The following CADM4 variants were observed in gnomAD, a reference collection of about 807,000 sequenced individuals.
CADM4 encodes TSLC1-like 2.
CADM4 carries 13 observed loss-of-function variants against 43.9 expected under a neutral mutation model. The observed-to-expected ratio is 0.30, with a 90% CI of 0.19 to 0.47. The LOEUF (loss-of-function observed/expected upper bound fraction) is 0.47. Among genes scored for constraint, CADM4 ranks in the 20% least tolerant of loss-of-function variants. The probability of loss-of-function intolerance (pLI) is 1.00; values close to 1 mark genes in which losing one functional copy is unlikely to be tolerated. For synonymous variants in CADM4, 209 were observed against 220.9 expected, an observed-to-expected ratio of 0.95 and a Z score of 0.48; for missense variants, 420 against 527.0, an observed-to-expected ratio of 0.80 and a Z score of 1.99.
rs1369952448 is a variant in CADM4 at position 43,626,868 on chromosome 19, C to T, written c.415G>A (p.Gly139Ser). ...ACGAGGCAGCTGAGCTCCACCTCGC[C>T]GCCCTCTACCGCCTGCTCCCGGACC... ...VEVREQAVEGGEVELSCLVPR... is the reference protein window; with the variant it reads ...VEVREQAVEGSEVELSCLVPR... Residue 139 changes from glycine to serine, a missense_variant, in exon 4 of 9, where the codon GGC (glycine) becomes AGC (serine). Coordinates refer to ENST00000222374, the MANE Select transcript of CADM4 (RefSeq NM_145296.2). The surrounding 1 kb of genome is among the most constrained non-coding windows in gnomAD (Gnocchi z 5.9). The T allele has an allele frequency of 1.4e-5, 23 of 1,609,456 alleles. No individual in the cohort carries two copies. The highest frequency in any genetic ancestry group is 2.0e-5 in the Non-Finnish European group (23 of 1,178,848).
Position 43,623,962 on chromosome 19 carries a change from G to T in CADM4, c.1057+152C>A. 3.3e-6 allele frequency: 3 copies of T among 910,004 alleles called. No individual in the cohort carries two copies. Among genetic ancestry groups the T allele is most frequent in the South Asian group, 1.7e-5 (1 of 60,156 alleles). The allele number at this position is 910,004 out of a possible 1,614,324, so 56.4% of individuals were successfully genotyped here. ...CCCCTTTTCGAGTATTGTGCCGAAAGCCCCGCCCCCTTTGTCATCTCCGCC... is the reference window on the plus strand; with the variant it reads ...CCCCTTTTCGAGTATTGTGCCGAAATCCCCGCCCCCTTTGTCATCTCCGCC... On this transcript the variant is annotated intron_variant, in intron 8 of 8. Coordinates refer to ENST00000222374, the MANE Select transcript of CADM4 (RefSeq NM_145296.2). The surrounding 1 kb of genome is among the most constrained non-coding windows in gnomAD (Gnocchi z 4.4).
Position 43,626,845 on chromosome 19 carries a change from G to C in CADM4, c.438C>G (p.Leu146=). The change falls in exon 4 of 9, where the codon CTC becomes CTG. Residue 146 remains leucine, a synonymous_variant. Coordinates refer to ENST00000222374, the MANE Select transcript of CADM4 (RefSeq NM_145296.2). The surrounding 1 kb of genome is among the most constrained non-coding windows in gnomAD (Gnocchi z 5.9). The part of the protein sequence containing the change: ...VEGGEVELSC[L]VPRSRPAATL... ...TGGCAGCCGGACGGGACCGCGGAAC[G>C]AGGCAGCTGAGCTCCACCTCGCCGC... is the stretch of plus-strand genomic sequence containing the variant. 1 of 1,610,840 alleles carries C rather than the reference G, an allele frequency of 6.2e-7. No individual in the cohort carries two copies. The highest frequency in any genetic ancestry group is 2.2e-5 in the East Asian group (1 of 44,746).
Position 43,627,282 on chromosome 19 carries a change from G to A in CADM4, c.248C>T (p.Ser83Phe), listed in dbSNP as rs1973545222. The change falls in exon 3 of 9, where the codon TCC (serine) becomes TTC (phenylalanine). Residue 83 changes from serine (S) to phenylalanine (F), a missense_variant. Coordinates refer to ENST00000222374, the MANE Select transcript of CADM4 (RefSeq NM_145296.2). The surrounding 1 kb of genome is among the most constrained non-coding windows in gnomAD (Gnocchi z 4.0). Reference protein sequence around the residue: ...KDERFQLEEFSPRRVRIRLSD... With the variant: ...KDERFQLEEFFPRRVRIRLSD... ...GAGCCGGATCCGCACCCGGCGTGGG[G>A]AGAACTCCTCAAGCTGGAAACGCTC... 6 of 1,609,338 alleles carry A rather than the reference G, an allele frequency of 3.7e-6. No individual in the cohort carries two copies. The highest frequency in any genetic ancestry group is 4.2e-6 in the Non-Finnish European group (5 of 1,177,648).
chr19:43,628,069 C>G (rs773909324), intron 1 of CADM4, among the ~76,000 whole-genome samples: 43 of 152,042 alleles, frequency 2.8e-4, no homozygotes, highest in Non-Finnish European at 4.3e-4. Context: ...TATAGAATTG[C>G]CTAGAGAGAT....
chr19:43,623,100 C>A lies in CADM4; in HGVS notation c.*230G>T. The A allele has an allele frequency of 1.9e-6, 1 of 532,918 alleles. No homozygotes were observed. The highest frequency in any genetic ancestry group is 3.4e-6 in the Non-Finnish European group (1 of 295,014). The allele number at this position is 532,918 out of a possible 1,614,324, so 33.0% of individuals were successfully genotyped here. A position where few individuals can be genotyped will look rare whatever the true frequency, so the allele number is the denominator to read the frequency against. On this transcript the variant is annotated 3_prime_UTR_variant, in exon 9 of 9. Coordinates refer to ENST00000222374, the MANE Select transcript of CADM4 (RefSeq NM_145296.2). This position sits in a 1 kb window ranked among gnomAD's most constrained non-coding sequence, Gnocchi z 4.4. The stretch of plus-strand genomic sequence containing the variant: ...CTCACTGGACTTGGGGGGTCTGGAC[C>A]TTTGGCCCCTGCCCCCTGGGGGACC...
upstream of CADM4, among the ~76,000 whole-genome samples, chr19:43,641,255 C>T (rs560040934): frequency 3.3e-5 from 5 of 152,332 alleles, no homozygotes; most frequent in South Asian, 1.0e-3. Flanking sequence ...GCGTGAGCCA[C>T]CATGCCTGGC....
chr19:43,626,854 G>A lies in CADM4; in HGVS notation c.429C>T (p.Leu143=), dbSNP rs566228347. 41 of 1,611,128 alleles carry A rather than the reference G, an allele frequency of 2.5e-5. No homozygotes were observed. In the South Asian group the frequency reaches 4.0e-4, roughly 16 times the overall value. Residue 143 remains leucine (L), a synonymous_variant, in exon 4 of 9, where the codon CTC becomes CTT. Coordinates refer to ENST00000222374, the MANE Select transcript of CADM4 (RefSeq NM_145296.2). The surrounding 1 kb of genome is among the most constrained non-coding windows in gnomAD (Gnocchi z 5.9). ...EQAVEGGEVE[L]SCLVPRSRPA... ...GACGGGACCGCGGAACGAGGCAGCTGAGCTCCACCTCGCCGCCCTCTACCG... is the reference window on the plus strand; with the variant it reads ...GACGGGACCGCGGAACGAGGCAGCTAAGCTCCACCTCGCCGCCCTCTACCG...
chr19:43,628,153 C>T (rs561084332), intron 1 of CADM4, among the ~76,000 whole-genome samples: 6 of 151,726 alleles, frequency 4.0e-5, no homozygotes, highest in South Asian at 2.1e-4. Context: ...AGGCTGAGCG[C>T]GGTGGCTCAT....
rs551608169 is a variant in CADM4 at position 43,625,838 on chromosome 19, A to T, written c.755+73T>A. The T allele has an allele frequency of 1.5e-6, 2 of 1,306,402 alleles. No individual in the cohort carries two copies. Among genetic ancestry groups the T allele is most frequent in the East Asian group, 4.6e-5 (2 of 43,344 alleles). The allele number at this position is 1,306,402 out of a possible 1,614,324, so 80.9% of individuals were successfully genotyped here. On this transcript the variant is annotated intron_variant, in intron 6 of 8. Coordinates refer to ENST00000222374, the MANE Select transcript of CADM4 (RefSeq NM_145296.2). The surrounding 1 kb of genome is among the most constrained non-coding windows in gnomAD (Gnocchi z 4.5). ...TCTCCTCCTTAGGACCCAGGAGTCCAAGTCCCTGGTCCCTGTTCTTCCAGG... is the reference window on the plus strand; with the variant it reads ...TCTCCTCCTTAGGACCCAGGAGTCCTAGTCCCTGGTCCCTGTTCTTCCAGG...
At chr19:43,633,896 A>G (rs1973665323) in intron 1 of CADM4, among the ~76,000 whole-genome samples, 1 of 151,060 alleles carries the variant, frequency 6.6e-6, no homozygotes, top group African/African-American at 2.4e-5. Context: ...GGGTCTCAAT[A>G]TCTTGCCCAG....
At chr19:43,635,437 C>G (rs1004126582) in intron 1 of CADM4, among the ~76,000 whole-genome samples, 2 of 151,780 alleles carry the variant, frequency 1.3e-5, no homozygotes, top group Non-Finnish European at 2.9e-5. Context: ...AGGGTCTCAG[C>G]CCCTCCTCCC....
intron 1 of CADM4, among the ~76,000 whole-genome samples, chr19:43,634,774 C>T (rs1973677587): frequency 6.6e-6 from 1 of 151,054 alleles, no homozygotes; most frequent in African/African-American, 2.4e-5. Flanking sequence ...TGCGTAAGAC[C>T]CAGGAATCCA....
chr19:43,632,714 T>C (rs1046332645), intron 1 of CADM4, among the ~76,000 whole-genome samples: 2 of 152,122 alleles, frequency 1.3e-5, no homozygotes, highest in Non-Finnish European at 2.9e-5. Context: ...GGGTCTCAAA[T>C]CATATCAGTA....
chr19:43,627,567 C>A lies in CADM4; in HGVS notation c.211+77G>T. ...CAGGAGACCAAACTCTCAGGTGTGT[C>A]CTCTTTCAGGACATGGGAGCCTGGG... On this transcript the variant is annotated intron_variant, in intron 2 of 8. Transcript: ENST00000222374. The surrounding 1 kb of genome is among the most constrained non-coding windows in gnomAD (Gnocchi z 4.0). 6.6e-7 allele frequency: 1 copy of A among 1,511,756 alleles called. No individual in the cohort carries two copies. The highest frequency in any genetic ancestry group is 9.0e-7 in the Non-Finnish European group (1 of 1,110,556). The allele number at this position is 1,511,756 out of a possible 1,614,324, so 93.6% of individuals were successfully genotyped here.
chr19:43,636,644 C>G (rs887838039), intron 1 of CADM4, among the ~76,000 whole-genome samples: 2 of 152,042 alleles, frequency 1.3e-5, no homozygotes, highest in Admixed American at 6.5e-5. Flanking sequence ...TTTGTGTTCT[C>G]CAAGATGGGG....
At chr19:43,629,966 T>C (rs1302246227) in intron 1 of CADM4, among the ~76,000 whole-genome samples, 1 of 152,104 alleles carries the variant, frequency 6.6e-6, no homozygotes, top group Non-Finnish European at 1.5e-5. Context: ...TGGAGTGCAG[T>C]GGCACGATCT....
Position 43,623,292 on chromosome 19 carries a change from AG to A in CADM4, c.*37del. Reference sequence around the variant, plus strand: ...TGCAGCTGGCAGTGGGGGGGACCCCAGCCCAGGCCCAGGCCTAGGCCTGGGG... The same window carrying A: ...TGCAGCTGGCAGTGGGGGGGACCCCACCCAGGCCCAGGCCTAGGCCTGGGG... On this transcript the variant is annotated 3_prime_UTR_variant, in exon 9 of 9. Transcript: ENST00000222374. The surrounding 1 kb of genome is among the most constrained non-coding windows in gnomAD (Gnocchi z 4.4). The A allele has an allele frequency of 6.5e-7, 1 of 1,527,682 alleles. No homozygotes were observed. The highest frequency in any genetic ancestry group is 9.1e-7 in the Non-Finnish European group (1 of 1,103,506). The allele number at this position is 1,527,682 out of a possible 1,614,324, so 94.6% of individuals were successfully genotyped here.
upstream of CADM4, among the ~76,000 whole-genome samples, chr19:43,640,259 T>G (rs1973759474): frequency 6.9e-6 from 1 of 145,198 alleles, no homozygotes; most frequent in African/African-American, 2.6e-5. Context: ...GGGTGCGGTG[T>G]GTGCGAAGGG....
Position 43,622,521 on chromosome 19 carries a change from G to C in CADM4, c.*809C>G, listed in dbSNP as rs1973452932. 1 of 152,236 alleles carries C rather than the reference G, an allele frequency of 6.6e-6. No individual in the cohort carries two copies. The highest frequency in any genetic ancestry group is 2.1e-4 in the South Asian group (1 of 4,824). 9.4% of individuals were successfully genotyped at this position (152,236 alleles called of 1,614,324 possible). On this transcript the variant is annotated 3_prime_UTR_variant, in exon 9 of 9. Coordinates refer to ENST00000222374, the MANE Select transcript of CADM4 (RefSeq NM_145296.2). ...GGGGCAAAAGCCAGGAATGGGGAGA[G>C]GGGGGTGCAATCTGATATTTTCATA...
Sources: gnomAD v4.1 joint callset for allele counts (sites outside exome capture counted in the v4.1 genomes callset) on GRCh38, gnomAD v4.1.1 for gene constraint, Gnocchi (gnomAD v3.1) non-coding constraint, MANE v1.5 for transcripts, NCBI Gene and HGNC (gene_info 2026-07-23, HGNC 2026-07-21) for gene names.